The following TRANK1 variants were observed in gnomAD, a reference collection of about 807,000 sequenced individuals.
TRANK1 encodes TPR and ankyrin repeat-containing protein 1.
A neutral mutation model predicts 266.0 loss-of-function variants in TRANK1; 198 were observed. The ratio of observed to expected loss-of-function variants is 0.74; its 90% confidence interval spans 0.66 to 0.84. The LOEUF (loss-of-function observed/expected upper bound fraction) is 0.84. Among genes scored for constraint, TRANK1 ranks in the 40% least tolerant of loss-of-function variants. The pLI is 0.00. For missense variants in TRANK1, 3,326 were observed against 3,634.6 expected (o/e 0.92, Z 2.18); for synonymous variants, 1,396 against 1,384.1 (o/e 1.01, Z -0.19).
chr3:36,831,401 G>A lies in TRANK1; in HGVS notation c.8182C>T (p.Leu2728=). Residue 2728 remains leucine (L), a synonymous_variant, in exon 22 of 24, where the codon CTG becomes TTG. Transcript: ENST00000645898. This position sits in a 1 kb window ranked among gnomAD's most constrained non-coding sequence, Gnocchi z 5.0. The part of the protein sequence containing the change: ...SIQRKLRRAC[L]VVSLCISWRR... ...CAACTGATGCACAGAGACACCACCA[G>A]GCATGCCCTCCTCAACTTCCGCTGT... 1.2e-6 allele frequency: 2 copies of A among 1,613,016 alleles called. No homozygotes were observed. Among genetic ancestry groups the A allele is most frequent in the Non-Finnish European group, 8.5e-7 (1 of 1,179,490 alleles).
chr3:36,932,108 T>TGA (rs1222196208), intron 1 of TRANK1, among the ~76,000 whole-genome samples: 1 of 152,196 alleles, frequency 6.6e-6, no homozygotes, highest in East Asian at 1.9e-4. Context: ...ATTCTAATGA[T>TGA]ACCAAAAGCA....
rs1172420430 is a variant in TRANK1, at chr3:36,834,886, A to G, written c.5539T>C (p.Tyr1847His). The G allele has an allele frequency of 6.2e-7, 1 of 1,611,616 alleles. No individual in the cohort carries two copies. Among genetic ancestry groups the G allele is most frequent in the Admixed American group, 1.7e-5 (1 of 59,418 alleles). Reference sequence around the variant, plus strand: ...TCTTTGTAGCACTGGCTTCGCTTATAGAAATAGGCAGCATCTCTTATCTAG... The same window carrying G: ...TCTTTGTAGCACTGGCTTCGCTTATGGAAATAGGCAGCATCTCTTATCTAG... Reference protein sequence around the residue: ...LGKIRDAAYFYKRSQCYKDAF... With the variant: ...LGKIRDAAYFHKRSQCYKDAF... The change falls in exon 21 of 24, where the codon TAT (tyrosine) becomes CAT (histidine). Residue 1847 changes from tyrosine to histidine, a missense_variant. Tyr to His is a moderately conservative substitution (Grantham distance 83). Coordinates refer to ENST00000645898, the MANE Select transcript of TRANK1 (RefSeq NM_001329998.2).
chr3:36,847,653 C>T (rs1303962590), intron 15 of TRANK1, among the ~76,000 whole-genome samples: 1 of 152,170 alleles, frequency 6.6e-6, no homozygotes, highest in African/African-American at 2.4e-5. Context: ...AGAATTTCTA[C>T]AATCAGTATG....
At chr3:36,923,748 G>A (rs183765635) in intron 1 of TRANK1, among the ~76,000 whole-genome samples, 34 of 152,104 alleles carry the variant, frequency 2.2e-4, no homozygotes, top group Admixed American at 9.2e-4. Flanking sequence ...GCAGGTCTCC[G>A]GCAGGAGCTA....
intron 1 of TRANK1, among the ~76,000 whole-genome samples, chr3:36,915,397 T>C (rs2080110931): frequency 6.6e-6 from 1 of 152,236 alleles, no homozygotes; most frequent in African/African-American, 2.4e-5. Flanking sequence ...TTGGGAATGT[T>C]CAATATCCTC....
At chr3:36,912,547 G>A (rs1350118520) in intron 1 of TRANK1, among the ~76,000 whole-genome samples, 1 of 152,220 alleles carries the variant, frequency 6.6e-6, no homozygotes, top group African/African-American at 2.4e-5. Context: ...ATGTCTCTAT[G>A]AGAATTCAAA....
intron 13 of TRANK1, among the ~76,000 whole-genome samples, chr3:36,853,101 A>G (rs1352765471): frequency 6.6e-6 from 1 of 152,214 alleles, no homozygotes; most frequent in African/African-American, 2.4e-5. Context: ...TAATAGTGAC[A>G]TTGGCTTAAT....
At chr3:36,830,614 A>C (rs1290561728) in intron 22 of TRANK1, among the ~76,000 whole-genome samples, 2 of 152,248 alleles carry the variant, frequency 1.3e-5, no homozygotes, top group Non-Finnish European at 2.9e-5. Flanking sequence ...CTCTGTAGGA[A>C]GAGGCATGCA....
chr3:36,852,939 AC>A (rs1380568226), intron 13 of TRANK1, among the ~76,000 whole-genome samples: 1 of 152,100 alleles, frequency 6.6e-6, no homozygotes, highest in African/African-American at 2.4e-5. Flanking sequence ...TGAGCTAAGG[AC>A]AGCAACCAAG....
chr3:36,861,325 C>G (rs537296860), intron 10 of TRANK1, among the ~76,000 whole-genome samples, 165 bp from the exon 11 acceptor site: 148 of 152,250 alleles, frequency 9.7e-4, no homozygotes, highest in African/African-American at 3.2e-3. Context: ...AGTGTAATGA[C>G]CTTGAGACTT....
rs186394915 is a variant in TRANK1, at chr3:36,879,741, C to T, written c.908-5445G>A. ...AAATATATAAATATATATAAATATA[C>T]AAATATATAAATATATATAAATATA... On this transcript the variant is annotated intron_variant, in intron 8 of 23. Transcript: ENST00000645898. 1.8e-3 allele frequency among the ~76,000 whole-genome samples: 88 copies of T among 50,204 alleles called. 11 individuals carry two copies. The highest frequency in any genetic ancestry group is 2.6e-3 in the African/African-American group (22 of 8,308). 32.9% of individuals were successfully genotyped at this position (50,204 alleles called of 152,430 possible). A position where few individuals can be genotyped will look rare whatever the true frequency, so the allele number is the denominator to read the frequency against.
chr3:36,903,368 G>C (rs2079912938), intron 2 of TRANK1, 93 bp from the exon 3 acceptor site: 2 of 1,445,370 alleles, frequency 1.4e-6, no homozygotes, highest in Non-Finnish European at 1.8e-6. Context: ...CTGCCATCAG[G>C]AAGGGGGTTT....
intron 1 of TRANK1, among the ~76,000 whole-genome samples, chr3:36,914,911 T>C (rs2080104206): frequency 1.3e-5 from 2 of 152,076 alleles, no homozygotes; most frequent in South Asian, 4.1e-4. Context: ...ATGCTGGGAT[T>C]ACAGGCGTGA....
At chr3:36,860,258 T>A (rs1268325259) in intron 11 of TRANK1, among the ~76,000 whole-genome samples, 1 of 152,130 alleles carries the variant, frequency 6.6e-6, no homozygotes, top group Non-Finnish European at 1.5e-5. Flanking sequence ...AATGAAGTCA[T>A]AAATGGCATG....
At chr3:36,882,466 GA>G (rs1005271998) in intron 8 of TRANK1, among the ~76,000 whole-genome samples, 3 of 151,374 alleles carry the variant, frequency 2.0e-5, no homozygotes, top group African/African-American at 4.9e-5. Context: ...TAATTATTTG[GA>G]AAAAAAAGTA....
chr3:36,850,359 C>A, intron 15 of TRANK1: 2 of 985,354 alleles, frequency 2.0e-6, no homozygotes, highest in Non-Finnish European at 2.4e-6. Context: ...AATTCGCATG[C>A]GAGGCTTTAA....
chr3:36,849,441 G>T (rs1209992487), intron 15 of TRANK1, among the ~76,000 whole-genome samples: 1 of 152,124 alleles, frequency 6.6e-6, no homozygotes, highest in Non-Finnish European at 1.5e-5. Flanking sequence ...TGGTTCAACA[G>T]GTAACAATAA....
intron 1 of TRANK1, among the ~76,000 whole-genome samples, chr3:36,911,775 A>T (rs1388785355): frequency 6.6e-6 from 1 of 152,274 alleles, no homozygotes; most frequent in South Asian, 2.1e-4. Flanking sequence ...TGATTTATTT[A>T]TAAGATGAAA....
At chr3:36,918,896 A>G (rs2080176301) in intron 1 of TRANK1, among the ~76,000 whole-genome samples, 1 of 152,214 alleles carries the variant, frequency 6.6e-6, no homozygotes, top group South Asian at 2.1e-4. Context: ...TTACAGAGCC[A>G]TCCTAAGACC....
Sources: gnomAD v4.1 joint callset for allele counts (sites outside exome capture counted in the v4.1 genomes callset) on GRCh38, gnomAD v4.1.1 for gene constraint, Gnocchi (gnomAD v3.1) non-coding constraint, MANE v1.5 for transcripts, NCBI Gene and HGNC (gene_info 2026-07-23, HGNC 2026-07-21) for gene names.